PID1: variants seen among roughly 807,000 people sequenced by gnomAD.
PID1 encodes the protein PTB-containing, cubilin and LRP1-interacting protein.
Under a neutral mutation model 19.1 loss-of-function variants are expected in PID1, and 10 were observed. That is an observed-to-expected ratio of 0.52 (90% CI 0.32 to 0.89). The LOEUF is 0.89. PID1 is among the 40% of genes least tolerant of loss of function. The pLI, the probability that PID1 is intolerant of heterozygous loss-of-function variation, is 0.03. For synonymous variants in PID1, 130 were observed against 116.0 expected (o/e 1.12, Z -0.78); for missense variants, 248 against 285.3 (o/e 0.87, Z 0.94).
chr2:229,083,167 TC>T (rs1694700692), intron 2 of PID1, among the ~76,000 whole-genome samples: 1 of 152,200 alleles, frequency 6.6e-6, no homozygotes, highest in Non-Finnish European at 1.5e-5. Context: ...AGAACCCATT[TC>T]TTTCCATGGC....
Position 229,199,751 on chromosome 2 carries a change from TAC to T in PID1, c.31-43789_31-43788del, listed in dbSNP as rs142246557. Among the ~76,000 whole-genome samples, 541 of 140,176 alleles carry T rather than the reference TAC, an allele frequency of 3.9e-3. 3 individuals carry two copies. Among genetic ancestry groups the T allele is most frequent in the African/African-American group, 9.1e-3 (338 of 37,328 alleles). 92.0% of individuals were successfully genotyped at this position (140,176 alleles called of 152,430 possible). On this transcript the variant is annotated intron_variant, in intron 1 of 2. Transcript: ENST00000392055. ...ATATATATATATATATATATACACA[TAC>T]ACACACACACACACATATATATATA...
rs1379661480 is a variant in PID1 at position 229,025,638 on chromosome 2, A to G, written c.648T>C (p.Asp216=). ...EEVSQELESD[D]G ...TGAAGCGTCTCAAGTTCATTCAGCC[A>G]TCATCGGATTCCAATTCCTGGGAAA... The change falls in exon 3 of 3, where the codon GAT becomes GAC. Residue 216 remains aspartate, a synonymous_variant. Coordinates refer to ENST00000392055, the MANE Select transcript of PID1 (RefSeq NM_001100818.2). 1 of 1,607,970 alleles carries G rather than the reference A, an allele frequency of 6.2e-7. No individual in the cohort carries two copies. Among genetic ancestry groups the G allele is most frequent in the African/African-American group, 1.3e-5 (1 of 74,952 alleles).
Position 229,271,026 on chromosome 2 carries a change from C to A in PID1, c.18G>T (p.Thr6=). ...GGGTGCCCCTTACCTGCAGGCGCTC[C>A]GTGGCCGGCTGCCACATCTTCCAGC... The part of the protein sequence containing the change: MWQPA[T]ERLQHFQTML... The change falls in exon 1 of 3, where the codon ACG becomes ACT. Residue 6 remains threonine (T), a synonymous_variant. Coordinates refer to ENST00000392055, the MANE Select transcript of PID1 (RefSeq NM_001100818.2). 6.5e-7 allele frequency: 1 copy of A among 1,543,060 alleles called. No homozygotes were observed.
intron 1 of PID1, among the ~76,000 whole-genome samples, chr2:229,167,018 A>C (rs1232329605): frequency 6.6e-6 from 1 of 151,662 alleles, no homozygotes; most frequent in Non-Finnish European, 1.5e-5. Flanking sequence ...AAGGAAAGGA[A>C]AGGAAGGGAG....
At chr2:229,158,513 C>A (rs1690427519) in intron 1 of PID1, among the ~76,000 whole-genome samples, 1 of 151,902 alleles carries the variant, frequency 6.6e-6, no homozygotes. Flanking sequence ...ATCACAAGGG[C>A]CTAAAACAGT....
At chr2:229,088,366 A>G (rs1406626528) in intron 2 of PID1, among the ~76,000 whole-genome samples, 1 of 152,152 alleles carries the variant, frequency 6.6e-6, no homozygotes, top group African/African-American at 2.4e-5. Context: ...AATCCCTCCC[A>G]GTAAGATGAG....
At chr2:229,205,107 C>T (rs2106244153) in intron 1 of PID1, among the ~76,000 whole-genome samples, 1 of 152,208 alleles carries the variant, frequency 6.6e-6, no homozygotes, top group South Asian at 2.1e-4. Context: ...AAGTCAACAT[C>T]ATCCTTCCTG....
At chr2:229,103,708 C>T (rs1415885480) in intron 2 of PID1, among the ~76,000 whole-genome samples, 1 of 151,240 alleles carries the variant, frequency 6.6e-6, no homozygotes, top group Admixed American at 6.6e-5. Flanking sequence ...TCCCGAATAG[C>T]TGGGATTACA....
At chr2:229,185,136 T>A (rs1427974360) in intron 1 of PID1, among the ~76,000 whole-genome samples, 1 of 150,096 alleles carries the variant, frequency 6.7e-6, no homozygotes, top group Admixed American at 6.7e-5. Flanking sequence ...ATTCTATTGG[T>A]TCTGTTTTCC....
chr2:229,160,865 C>T (rs1462324153), intron 1 of PID1, among the ~76,000 whole-genome samples: 1 of 152,098 alleles, frequency 6.6e-6, no homozygotes, highest in East Asian at 1.9e-4. Flanking sequence ...GCAAAATTAA[C>T]ATTTTATGTA....
chr2:229,155,884 C>A lies in PID1; in HGVS notation c.111G>T (p.Glu37Asp), dbSNP rs1690363099. The change falls in exon 2 of 3, where the codon GAG (glutamate) becomes GAT (aspartate). Residue 37 changes from glutamate to aspartate, a missense_variant. By Grantham distance (45) the Glu-to-Asp change is conservative (BLOSUM62 2). Coordinates refer to ENST00000392055, the MANE Select transcript of PID1 (RefSeq NM_001100818.2). ...KEPLPAVIFH[E>D]PEAIELCTTT... ...TCGTGCACAGCTCAATGGCCTCCGG[C>A]TCATGGAAGATGACCGCTGGGAGAG... is the stretch of plus-strand genomic sequence containing the variant. 1 of 1,613,884 alleles carries A rather than the reference C, an allele frequency of 6.2e-7. No homozygotes were observed. The highest frequency in any genetic ancestry group is 8.5e-7 in the Non-Finnish European group (1 of 1,179,968).
At chr2:229,027,560 C>G (rs1316952813) in intron 2 of PID1, among the ~76,000 whole-genome samples, 1 of 152,124 alleles carries the variant, frequency 6.6e-6, no homozygotes, top group Non-Finnish European at 1.5e-5. Flanking sequence ...AGGGGAACAG[C>G]AAAGTACTGT....
At chr2:229,266,281 G>A (rs190366545) in intron 1 of PID1, among the ~76,000 whole-genome samples, 1 of 142,290 alleles carries the variant, frequency 7.0e-6, no homozygotes, top group East Asian at 2.0e-4. Flanking sequence ...TTTTTTTTTT[G>A]TCTAAACTTG....
At chr2:229,172,700 T>C (rs1291007353) in intron 1 of PID1, among the ~76,000 whole-genome samples, 1 of 152,100 alleles carries the variant, frequency 6.6e-6, no homozygotes, top group East Asian at 1.9e-4. Context: ...GCTCTGGGGA[T>C]TGGGACTTCA....
intron 2 of PID1, among the ~76,000 whole-genome samples, chr2:229,061,483 G>A (rs1694211103): frequency 6.6e-6 from 1 of 151,860 alleles, no homozygotes. Flanking sequence ...TTTTATGCTG[G>A]TACCATGCTG....
At chr2:229,066,908 A>T (rs187818369) in intron 2 of PID1, among the ~76,000 whole-genome samples, 1 of 152,252 alleles carries the variant, frequency 6.6e-6, no homozygotes, top group Admixed American at 6.5e-5. Context: ...ACTCCATAGG[A>T]ACAGATTATA....
intron 2 of PID1, among the ~76,000 whole-genome samples, chr2:229,130,657 C>T (rs983810152): frequency 6.6e-6 from 1 of 152,106 alleles, no homozygotes; most frequent in African/African-American, 2.4e-5. Flanking sequence ...TTCACCTCCC[C>T]CACTAGACTG....
chr2:229,230,687 T>C (rs1692187111), intron 1 of PID1, among the ~76,000 whole-genome samples: 1 of 152,186 alleles, frequency 6.6e-6, no homozygotes, highest in Admixed American at 6.5e-5. Flanking sequence ...TCTGAGTTAC[T>C]GGGAATGAAA....
chr2:229,145,387 G>A (rs1690110023), intron 2 of PID1, among the ~76,000 whole-genome samples: 1 of 151,364 alleles, frequency 6.6e-6, no homozygotes, highest in African/African-American at 2.4e-5. Context: ...TTCTATGGTT[G>A]GCTAACAAAT....
Sources: gnomAD v4.1 joint callset for allele counts (sites outside exome capture counted in the v4.1 genomes callset) on GRCh38, gnomAD v4.1.1 for gene constraint, MANE v1.5 for transcripts, NCBI Gene and HGNC (gene_info 2026-07-23, HGNC 2026-07-21) for gene names.